The following CACNA1F variants were observed in gnomAD, a reference collection of about 807,000 sequenced individuals.
CACNA1F encodes the protein calcium voltage-gated channel subunit alpha1 F.
CACNA1F carries 59 observed loss-of-function variants against 143.8 expected under a neutral mutation model. The observed-to-expected ratio is 0.41, with a 90% confidence interval of 0.33 to 0.51. The LOEUF is 0.51. Ranked by LOEUF, CACNA1F falls within the 20% of genes least tolerant of loss-of-function variation. CACNA1F has a pLI of 0.22. For synonymous variants in CACNA1F, 643 were observed against 649.1 expected, an observed-to-expected ratio of 0.99 and a Z score of 0.14; for missense variants, 1,411 against 1,647.5, an observed-to-expected ratio of 0.86 and a Z score of 2.48.
chrX:49,205,921 A>T, intron 46 of CACNA1F, 108 bp from the exon 47 acceptor site: 1 of 683,116 alleles, frequency 1.5e-6, no homozygotes, highest in East Asian at 3.5e-5. Flanking sequence ...CTGGAGTGAA[A>T]TTGAATGGGT....
Position 49,227,113 on chromosome X carries a change from T to G in CACNA1F, c.1133A>C (p.Glu378Ala). 8.5e-7 allele frequency: 1 copy of G among 1,181,878 alleles called. No homozygotes were observed. The highest frequency in any genetic ancestry group is 1.1e-6 in the Non-Finnish European group (1 of 879,710). The change falls in exon 9 of 48, where the codon GAG becomes GCG. Residue 378 changes from glutamate to alanine, a missense_variant. Physicochemically the swap from Glu to Ala is moderately radical, Grantham distance 107. Transcript: ENST00000323022. ...LGVLSGEFSK[E>A]REKAKARGDF... ...CCCGCGAGCTTTCGCTTTCTCTCTC[T>G]CCTTGGAGAACTCCCTGAGGGAGGA...
chrX:49,222,677 CG>C (rs782257982), intron 16 of CACNA1F, 40 bp downstream of exon 16: 1 of 1,210,545 alleles, frequency 8.3e-7, no homozygotes, highest in Non-Finnish European at 1.1e-6. Flanking sequence ...TTACCCACCC[CG>C]ACTCCACCAT....
In CACNA1F at chrX:49,226,793, A is replaced by G. The variant is rs1053154978; in HGVS notation, c.1277-91T>C. The G allele has an allele frequency of 9.0e-5, 89 of 988,202 alleles. No individual in the cohort carries two copies. The African/African-American group carries it at 1.5e-3, about 16-fold the overall frequency. The allele number at this position is 988,202 out of a possible 1,213,427, so 81.4% of individuals were successfully genotyped here. ...TAGGGGTGTCATTTGGAGTCTTTAT[A>G]GCTGAGGCTGGTCTTGATTCTGCAT... is the stretch of plus-strand genomic sequence containing the variant. On this transcript the variant is annotated intron_variant, in intron 9 of 47. Coordinates refer to ENST00000323022, the MANE Select transcript of CACNA1F (RefSeq NM_001256789.3).
rs372305587 is a variant in CACNA1F at position 49,215,562 on chromosome X, G to A, written c.3237-19C>T. The A allele has an allele frequency of 3.9e-6, 4 of 1,028,147 alleles. No homozygotes were observed. The African/African-American group carries it at 7.6e-5, about 20-fold the overall frequency. 84.7% of individuals were successfully genotyped at this position (1,028,147 alleles called of 1,213,427 possible). On this transcript the variant is annotated intron_variant, in intron 27 of 47. Coordinates refer to ENST00000323022, the MANE Select transcript of CACNA1F (RefSeq NM_001256789.3). ...TAGCAGTCTGTGGGAGCCAGAGGGG[G>A]GGTAGAGGTGGGGGCAGGTGAGGGG...
rs782557144 is a variant in CACNA1F at position 49,222,773 on chromosome X, G to T, written c.2151C>A (p.Phe717Leu). The T allele has an allele frequency of 6.6e-6, 8 of 1,208,081 alleles. No homozygotes were observed. The East Asian group carries it at 2.4e-4, about 36-fold the overall frequency. ...AGATGCACACCAACATTCCTGGGAA[G>T]AAGGGGCCACCATATGCCATGATAC... Reference protein sequence around the residue: ...YDGIMAYGGPFFPGMLVCIYF... With the variant: ...YDGIMAYGGPLFPGMLVCIYF... Residue 717 changes from phenylalanine (F) to leucine (L), a missense_variant, in exon 16 of 48, where the codon TTC (phenylalanine) becomes TTA (leucine). Coordinates refer to ENST00000323022, the MANE Select transcript of CACNA1F (RefSeq NM_001256789.3).
At chrX:49,230,757 G>A (rs1224401626) in intron 4 of CACNA1F, 93 bp downstream of exon 4, 1 of 1,091,829 alleles carries the variant, frequency 9.2e-7, no homozygotes, top group Non-Finnish European at 1.2e-6. Context: ...CCGAATGGGG[G>A]CGGTCTGAAA....
intron 14 of CACNA1F, among the ~76,000 whole-genome samples, chrX:49,223,560 C>A (rs1557109246): frequency 1.2e-5 from 1 of 83,694 alleles, no homozygotes; most frequent in Non-Finnish European, 2.2e-5. Context: ...GATTGCACTG[C>A]ACTCCAGCCT....
At chrX:49,224,730 G>T in intron 14 of CACNA1F, 31 bp downstream of exon 14, 1 of 956,713 alleles carries the variant, frequency 1.0e-6, no homozygotes, top group Non-Finnish European at 1.5e-6. Context: ...TGTGTTTGAG[G>T]CCCTTGTCTT....
intron 27 of CACNA1F, among the ~76,000 whole-genome samples, 168 bp from the exon 28 acceptor site, chrX:49,215,711 C>G (rs782129887): frequency 8.3e-5 from 9 of 108,752 alleles, no homozygotes; most frequent in Non-Finnish European, 1.3e-4. Context: ...CATACATACT[C>G]TAAGAGACCT....
At position 49,205,713 on chromosome X, in the gene CACNA1F, C is replaced by T; in HGVS notation, c.5573G>A (p.Ser1858Asn). 2 of 1,204,969 alleles carry T rather than the reference C, an allele frequency of 1.7e-6. No homozygotes were observed. Among genetic ancestry groups the T allele is most frequent in the Non-Finnish European group, 2.2e-6 (2 of 892,025 alleles). The change falls in exon 47 of 48, where the codon AGT (serine) becomes AAT (asparagine). Residue 1858 changes from serine to asparagine, a missense_variant. By Grantham distance (46) the Ser-to-Asn change is conservative. This residue lies in a region of CACNA1F where 349 missense variants were observed against 350.2 expected (regional missense o/e 1.00). Coordinates refer to ENST00000323022, the MANE Select transcript of CACNA1F (RefSeq NM_001256789.3). ...ACAGGTGAAGGTGCGCAGTGGGCCA[C>T]TGGATCTGCCGAGGTACCCCTCCCC... ...AAGEGYLGRS[S>N]GPLRTFTCLH...
rs782711560 is a variant in CACNA1F, at chrX:49,227,041, C to T, written c.1205G>A (p.Arg402Gln). The change falls in exon 9 of 48, where the codon CGG (arginine) becomes CAG (glutamine). Residue 402 changes from arginine to glutamine, a missense_variant. Around this residue, in one of 3 missense-constraint regions of CACNA1F, gnomAD observed 950 missense variants for 1,128.1 expected, o/e 0.84. Coordinates refer to ENST00000323022, the MANE Select transcript of CACNA1F (RefSeq NM_001256789.3). ...REKQQMEEDLRGYLDWITQAE... is the reference protein window; with the variant it reads ...REKQQMEEDLQGYLDWITQAE... The stretch of plus-strand genomic sequence containing the variant: ...TTGAGTGATCCAGTCCAGGTAGCCC[C>T]GCAGGTCTTCCTCCATCTGCTGCTT... 9.9e-6 allele frequency: 12 copies of T among 1,207,893 alleles called. No homozygotes were observed. Among genetic ancestry groups the T allele is most frequent in the East Asian group, 3.0e-5 (1 of 33,691 alleles).
At chrX:49,208,274 C>T (rs1039526132) in intron 43 of CACNA1F, among the ~76,000 whole-genome samples, 2 of 109,751 alleles carry the variant, frequency 1.8e-5, no homozygotes, top group Non-Finnish European at 3.8e-5. Context: ...AACTGAAACT[C>T]TTGGTTTCAC....
In CACNA1F at chrX:49,230,549, C is replaced by A; in HGVS notation, c.582G>T (p.Gly194=). 1 of 1,190,547 alleles carries A rather than the reference C, an allele frequency of 8.4e-7. No homozygotes were observed. Among genetic ancestry groups the A allele is most frequent in the East Asian group, 3.0e-5 (1 of 32,814 alleles). ...PGRPGDAPHT[G]GKPGGFDVKA... ...TCACATCGAAGCCTCCTGGCTTTCC[C>A]CCGGTGTGCGGGGCGTCGCCTGGCC... The change falls in exon 5 of 48, where the codon GGG becomes GGT. Residue 194 remains glycine (G), a synonymous_variant. Transcript: ENST00000323022.
Position 49,213,835 on chromosome X carries a change from G to T in CACNA1F, c.3776C>A (p.Ala1259Asp). 1 of 1,195,661 alleles carries T rather than the reference G, an allele frequency of 8.4e-7. No homozygotes were observed. Among genetic ancestry groups the T allele is most frequent in the South Asian group, 1.8e-5 (1 of 56,598 alleles). Residue 1259 changes from alanine to aspartate, a missense_variant, in exon 31 of 48, where the codon GCC becomes GAC. Ala to Asp is a moderately radical substitution (Grantham distance 126, BLOSUM62 -2). Transcript: ENST00000323022. ...LIVVGSIVDI[A>D]VTEVNNGGHL... ...AGTTCTCACATTGACTTCAGTGACG[G>T]CAATATCCACTATGCTGCCCACCAC...
chrX:49,219,449 G>C lies in CACNA1F; in HGVS notation c.2545C>G (p.Leu849Val), dbSNP rs1557108310. Residue 849 changes from leucine to valine, a missense_variant and splice_region_variant, in exon 21 of 48, where the codon CTG (leucine) becomes GTG (valine). Leu to Val is a conservative substitution (Grantham distance 32). Transcript: ENST00000323022. ...AFFCLSQTNPLRKGCHTLIHH... is the reference protein window; with the variant it reads ...AFFCLSQTNPVRKGCHTLIHH... ...ATGAGGGTGTGGCAGCCCTTCCTCA[G>C]CCTGTGGAGAGGGAGTGGGCCATGG... 3.3e-6 allele frequency: 4 copies of C among 1,207,792 alleles called. No homozygotes were observed. Among genetic ancestry groups the C allele is most frequent in the Non-Finnish European group, 4.5e-6 (4 of 893,492 alleles).
chrX:49,217,605 G>A (rs2065730362), intron 26 of CACNA1F, 150 bp downstream of exon 26: 2 of 540,121 alleles, frequency 3.7e-6, no homozygotes, highest in African/African-American at 4.6e-5. Context: ...GGTATCGGGG[G>A]GCCGCCGAAG....
chrX:49,223,835 G>A (rs1377501477), intron 14 of CACNA1F, among the ~76,000 whole-genome samples: 1 of 104,408 alleles, frequency 9.6e-6, no homozygotes, highest in African/African-American at 3.5e-5. Context: ...AGGTTCAAGC[G>A]ATTCTCCTGC....
chrX:49,227,545 C>T (rs932148062), intron 8 of CACNA1F, among the ~76,000 whole-genome samples: 58 of 111,907 alleles, frequency 5.2e-4, no homozygotes, highest in Middle Eastern at 4.6e-3. Context: ...AGGCTGGTCT[C>T]GAACTCCTGA....
chrX:49,211,749 A>G, intron 35 of CACNA1F, 149 bp downstream of exon 35: 1 of 539,909 alleles, frequency 1.9e-6, no homozygotes, highest in Non-Finnish European at 3.2e-6. Context: ...ATACTCTAAC[A>G]GACTCCTCAC....
Sources: allele counts gnomAD v4.1 joint callset (sites outside exome capture counted in the v4.1 genomes callset), GRCh38; gene constraint gnomAD v4.1.1; regional missense constraint gnomAD v4.1.1; transcripts MANE v1.5; gene names NCBI Gene and HGNC (gene_info 2026-07-23, HGNC 2026-07-21).